COL4A4: variants seen among roughly 807,000 people sequenced by gnomAD.
COL4A4 encodes collagen type IV alpha 4 chain.
Under a neutral mutation model 192.9 loss-of-function variants are expected in COL4A4, and 105 were observed. The observed-to-expected ratio is 0.54, with a 90% CI of 0.46 to 0.64. The LOEUF (loss-of-function observed/expected upper bound fraction) is 0.64. Among genes scored for constraint, COL4A4 ranks in the 30% least tolerant of loss-of-function variants. The pLI is 0.00. For synonymous variants in COL4A4, 762 were observed against 769.9 expected, an observed-to-expected ratio of 0.99 and a Z score of 0.17; for missense variants, 1,967 against 2,169.3, an observed-to-expected ratio of 0.91 and a Z score of 1.85.
intron 44 of COL4A4, among the ~76,000 whole-genome samples, chr2:227,018,458 G>A (rs1454246789): frequency 1.3e-5 from 2 of 152,182 alleles, no homozygotes; most frequent in Non-Finnish European, 2.9e-5. Context: ...AGTGTGCCCA[G>A]CAGGCATAGA....
chr2:227,048,205 T>G lies in COL4A4; in HGVS notation c.3215-656A>C, dbSNP rs1405649278. ...GAAAATAGATGGGGTTTCAAGAGAA[T>G]TACAGAGGTAAGTTAGATGTATCTT... On this transcript the variant is annotated intron_variant, in intron 34 of 47. Transcript: ENST00000396625. Among the ~76,000 whole-genome samples, 6 of 152,170 alleles carry G rather than the reference T, an allele frequency of 3.9e-5. No homozygotes were observed. The East Asian group carries it at 1.2e-3, about 29-fold the overall frequency.
At chr2:227,101,671 C>T (rs1195464654) in intron 16 of COL4A4, 114 bp from the exon 17 acceptor site, 5 of 1,140,876 alleles carry the variant, frequency 4.4e-6, no homozygotes, top group South Asian at 4.0e-5. Context: ...AAAGTCTTAA[C>T]ACTGTTCATC....
chr2:227,078,217 T>C, intron 24 of COL4A4, 140 bp from the exon 25 acceptor site: 1 of 699,414 alleles, frequency 1.4e-6, no homozygotes, highest in Non-Finnish European at 2.4e-6. Flanking sequence ...AAGTTTAAAA[T>C]AAATAACTTA....
intron 10 of COL4A4, 106 bp downstream of exon 10, chr2:227,109,118 C>T (rs1296162880): frequency 2.8e-6 from 3 of 1,076,452 alleles, no homozygotes; most frequent in Non-Finnish European, 4.4e-6. Flanking sequence ...CGATTATAAT[C>T]TCTCAAACGG....
At chr2:227,067,814 A>G (rs2058442825) in intron 25 of COL4A4, among the ~76,000 whole-genome samples, 1 of 151,238 alleles carries the variant, frequency 6.6e-6, no homozygotes, top group Non-Finnish European at 1.5e-5. Context: ...AGAACTAGAA[A>G]AGCAAGAGCA....
intron 37 of COL4A4, among the ~76,000 whole-genome samples, chr2:227,041,871 AAAGAAAG>A (rs1971424805): frequency 2.9e-5 from 4 of 140,326 alleles, no homozygotes; most frequent in South Asian, 4.6e-4. Context: ...AGAAAGAAAG[AAAGAAAG>A]AAAGAAAGAA....
chr2:227,065,030 G>A (rs955789802), intron 25 of COL4A4, among the ~76,000 whole-genome samples: 6 of 152,224 alleles, frequency 3.9e-5, no homozygotes, highest in Middle Eastern at 3.4e-3. Context: ...GTGGGTGCGC[G>A]CACCGTGCAC....
At chr2:227,091,706 C>T (rs987719922) in intron 20 of COL4A4, among the ~76,000 whole-genome samples, 3 of 151,954 alleles carry the variant, frequency 2.0e-5, no homozygotes, top group Non-Finnish European at 4.4e-5. Flanking sequence ...CCAGCCTGGC[C>T]AACATGGTGA....
At position 227,059,606 on chromosome 2, in the gene COL4A4, C is replaced by T. The variant is rs202243658; in HGVS notation, c.2182G>A (p.Gly728Arg). ...PGPPGFRGDM[G>R]DPGFGGEKGS... ...TTTTCACCTCCAAAACCCGGATCTC[C>T]CATGTCACCACGAAAACCTATTTAA... The change falls in exon 28 of 48, where the codon GGA (glycine) becomes AGA (arginine). Residue 728 changes from glycine to arginine, a missense_variant. Transcript: ENST00000396625. 11 of 1,613,998 alleles carry T rather than the reference C, an allele frequency of 6.8e-6. No homozygotes were observed. Among genetic ancestry groups the T allele is most frequent in the Non-Finnish European group, 9.3e-6 (11 of 1,180,000 alleles).
intron 42 of COL4A4, among the ~76,000 whole-genome samples, chr2:227,026,920 TG>T (rs1311174900): frequency 6.6e-6 from 1 of 152,230 alleles, no homozygotes; most frequent in Admixed American, 6.5e-5. Flanking sequence ...AATCAGTCTT[TG>T]CCTCTTGCAT....
At chr2:227,000,001 T>TA (rs1347256958), downstream of COL4A4, among the ~76,000 whole-genome samples, 1 of 152,220 alleles carries the variant, frequency 6.6e-6, no homozygotes, top group East Asian at 1.9e-4. Context: ...GTTTGTAACT[T>TA]AAGAGATTCA....
chr2:226,967,407 A>G, the COL4A4 span, among the ~76,000 whole-genome samples: 4 of 152,166 alleles, frequency 2.6e-5, 1 homozygote, highest in South Asian at 8.3e-4. Context: ...ATTATACTTT[A>G]AATTTTAGGG....
chr2:227,000,907 CT>C (rs1399064625), downstream of COL4A4, among the ~76,000 whole-genome samples: 1 of 152,092 alleles, frequency 6.6e-6, no homozygotes, highest in Non-Finnish European at 1.5e-5. Flanking sequence ...GCTCTCTTCT[CT>C]TGTCAGCCAC....
chr2:227,149,500 C>T (rs187130741), intron 1 of COL4A4, among the ~76,000 whole-genome samples: 40 of 151,958 alleles, frequency 2.6e-4, no homozygotes, highest in African/African-American at 9.2e-4. Context: ...AAGCCTAAAA[C>T]AAAACAAAAT....
the COL4A4 span, among the ~76,000 whole-genome samples, chr2:226,976,696 A>C: frequency 2.0e-5 from 3 of 152,194 alleles, no homozygotes; most frequent in Admixed American, 6.5e-5. Flanking sequence ...AGGGAGGGTT[A>C]GGAGTACCTT....
At chr2:227,159,237 A>G (rs556389258) in intron 1 of COL4A4, among the ~76,000 whole-genome samples, 46 of 152,348 alleles carry the variant, frequency 3.0e-4, no homozygotes, top group South Asian at 6.2e-4. Flanking sequence ...TAATTCCGTC[A>G]ACACAAAATT....
At chr2:227,121,245 A>G in intron 4 of COL4A4, 97 bp from the exon 5 acceptor site, 1 of 1,361,168 alleles carries the variant, frequency 7.3e-7, no homozygotes, top group Non-Finnish European at 1.0e-6. Flanking sequence ...AGACTTGGAA[A>G]TTAGATTTGC....
chr2:227,007,918 G>A lies in COL4A4; in HGVS notation c.4809+100C>T, dbSNP rs533754066. The A allele has an allele frequency of 1.5e-3, 2,148 of 1,434,418 alleles. 63 individuals are homozygous for A. In the South Asian group the frequency reaches 0.023, roughly 16 times the overall value. 88.9% of individuals were successfully genotyped at this position (1,434,418 alleles called of 1,614,324 possible). On this transcript the variant is annotated intron_variant, in intron 47 of 47. Coordinates refer to ENST00000396625, the MANE Select transcript of COL4A4 (RefSeq NM_000092.5). ...GTCCCCGTAACCTTATGTCCTAAGC[G>A]CAGAGTGCTCAGAATTACTGTCCAA...
chr2:227,052,226 T>C (rs569270246), intron 32 of COL4A4, 79 bp downstream of exon 32: 357 of 872,966 alleles, frequency 4.1e-4, no homozygotes, highest in Non-Finnish European at 6.5e-4. Flanking sequence ...CTCAGTGTTA[T>C]TGGGGAAAGT....
Sources: gnomAD v4.1 joint callset for allele counts (sites outside exome capture counted in the v4.1 genomes callset) on GRCh38, gnomAD v4.1.1 for gene constraint, MANE v1.5 for transcripts, NCBI Gene and HGNC (gene_info 2026-07-23, HGNC 2026-07-21) for gene names.